The following TRPM3 variants were observed in gnomAD, a reference collection of about 807,000 sequenced individuals.
The protein encoded by TRPM3 is transient receptor potential cation channel subfamily M member 3.
A neutral mutation model predicts 181.2 loss-of-function variants in TRPM3; 77 were observed. The ratio of observed to expected loss-of-function variants is 0.42; its 90% CI spans 0.35 to 0.51. The LOEUF is 0.51. TRPM3 is among the 20% of genes least tolerant of loss of function. TRPM3 has a pLI of 0.01. For synonymous variants in TRPM3, 745 were observed against 796.4 expected (o/e 0.94, Z 1.09); for missense variants, 1,759 against 2,196.7 (o/e 0.80, Z 3.98).
Position 71,428,743 on chromosome 9 carries a change from A to C in TRPM3, c.183+17910T>G, listed in dbSNP as rs370699318. ...ATGAAAAACATATAACACACAGACA[A>C]ATTTTTAAAATATCAAGAGCAACAA... On this transcript the variant is annotated intron_variant, in intron 1 of 24. Transcript: ENST00000357533. Among the ~76,000 whole-genome samples the C allele has an allele frequency of 4.6e-5, 7 of 152,174 alleles. No homozygotes were observed. In the South Asian group the frequency reaches 1.4e-3, roughly 31 times the overall value.
chr9:71,088,532 T>C (rs73647943), intron 1 of TRPM3, among the ~76,000 whole-genome samples: 1,577 of 152,208 alleles, frequency 0.01, 30 homozygotes, highest in African/African-American at 0.036. Context: ...TATTTCCAAA[T>C]ATACATATGC....
At chr9:71,402,887 T>C (rs967150262) in intron 1 of TRPM3, among the ~76,000 whole-genome samples, 2 of 152,122 alleles carry the variant, frequency 1.3e-5, no homozygotes, top group African/African-American at 2.4e-5. Context: ...GTGCACAGCA[T>C]CCTGTTAATG....
At chr9:71,119,096 T>A (rs1158072165) in intron 1 of TRPM3, among the ~76,000 whole-genome samples, 3 of 152,166 alleles carry the variant, frequency 2.0e-5, no homozygotes. Flanking sequence ...CAAAGCAGCT[T>A]TGCTTTCTTT....
intron 1 of TRPM3, among the ~76,000 whole-genome samples, chr9:71,405,341 A>G (rs2093418009): frequency 1.3e-5 from 2 of 152,228 alleles, no homozygotes; most frequent in South Asian, 4.1e-4. Context: ...AATTTAAAAA[A>G]TGGTACAAAT....
chr9:71,333,502 G>T (rs972713439), intron 1 of TRPM3, among the ~76,000 whole-genome samples: 1 of 151,964 alleles, frequency 6.6e-6, no homozygotes, highest in African/African-American at 2.4e-5. Flanking sequence ...TCTCAATTTT[G>T]CTTTGATAAG....
chr9:71,385,032 G>A (rs2092894367), intron 1 of TRPM3, among the ~76,000 whole-genome samples: 1 of 152,124 alleles, frequency 6.6e-6, no homozygotes, highest in Non-Finnish European at 1.5e-5. Context: ...CCTCAGTTGA[G>A]ACAGTCACAT....
chr9:70,891,091 A>G (rs964772136), intron 1 of TRPM3, among the ~76,000 whole-genome samples: 3 of 152,208 alleles, frequency 2.0e-5, no homozygotes, highest in African/African-American at 7.2e-5. Flanking sequence ...TAATGGGTGC[A>G]GCACACCAAC....
At chr9:71,408,438 C>A (rs950887141) in intron 1 of TRPM3, among the ~76,000 whole-genome samples, 3 of 152,008 alleles carry the variant, frequency 2.0e-5, no homozygotes, top group Admixed American at 6.5e-5. Context: ...AACCATGGCA[C>A]GAGAACTACG....
At chr9:71,256,776 C>A (rs2082701612) in intron 1 of TRPM3, among the ~76,000 whole-genome samples, 1 of 151,888 alleles carries the variant, frequency 6.6e-6, no homozygotes, top group Non-Finnish European at 1.5e-5. Flanking sequence ...GAGGCCCTTG[C>A]AAGGCATGTT....
At chr9:70,966,743 G>T (rs977740550) in intron 1 of TRPM3, among the ~76,000 whole-genome samples, 1 of 152,034 alleles carries the variant, frequency 6.6e-6, no homozygotes, top group African/African-American at 2.4e-5. Context: ...GTTTATTGGA[G>T]GGTGGGAGGA....
intron 7 of TRPM3, among the ~76,000 whole-genome samples, chr9:70,780,113 A>C (rs1324178545): frequency 1.3e-5 from 2 of 152,194 alleles, no homozygotes; most frequent in African/African-American, 4.8e-5. Flanking sequence ...TTGTCTTTTA[A>C]ATTCACATTC....
chr9:70,778,661 A>G (rs1252467734), intron 7 of TRPM3, among the ~76,000 whole-genome samples: 3 of 152,204 alleles, frequency 2.0e-5, no homozygotes, highest in African/African-American at 7.2e-5. Flanking sequence ...ACATGAAGCC[A>G]GCATGCTTGA....
At chr9:70,810,320 C>T (rs777311716) in intron 6 of TRPM3, among the ~76,000 whole-genome samples, 8 of 149,010 alleles carry the variant, frequency 5.4e-5, no homozygotes, top group Non-Finnish European at 1.0e-4. Flanking sequence ...CTGCTTGCCT[C>T]CAACCCCACC....
intron 1 of TRPM3, among the ~76,000 whole-genome samples, chr9:70,953,026 G>T (rs923510154): frequency 1.3e-5 from 2 of 152,160 alleles, no homozygotes; most frequent in Admixed American, 6.5e-5. Flanking sequence ...TACCTTTCTG[G>T]TTAAAATGCT....
chr9:70,599,896 T>A (rs563713210), intron 20 of TRPM3, among the ~76,000 whole-genome samples: 2 of 152,372 alleles, frequency 1.3e-5, no homozygotes, highest in African/African-American at 4.8e-5. Context: ...TTTATTCATC[T>A]GTCCATCCAT....
intron 7 of TRPM3, among the ~76,000 whole-genome samples, chr9:70,764,448 C>A (rs1002326274): frequency 4.6e-5 from 7 of 152,168 alleles, no homozygotes; most frequent in Non-Finnish European, 8.8e-5. Context: ...ATCCCAGCTC[C>A]CCAAGGTCAT....
Position 70,679,422 on chromosome 9 carries a change from G to T in TRPM3, c.1345+2084C>A, listed in dbSNP as rs866934285. ...AACTTAAATTCTCACAAATTCATGAGAGAGGAAGAAAGTATTTTCAGTAGA... is the reference window on the plus strand; with the variant it reads ...AACTTAAATTCTCACAAATTCATGATAGAGGAAGAAAGTATTTTCAGTAGA... On this transcript the variant is annotated intron_variant, in intron 9 of 25. Transcript: ENST00000677713. Among the ~76,000 whole-genome samples the T allele has an allele frequency of 2.6e-5, 4 of 152,310 alleles. No individual in the cohort carries two copies. In the South Asian group the frequency reaches 6.2e-4, roughly 24 times the overall value.
At chr9:71,083,850 G>GTA (rs1565157713) in intron 1 of TRPM3, among the ~76,000 whole-genome samples, 1 of 151,384 alleles carries the variant, frequency 6.6e-6, no homozygotes, top group Non-Finnish European at 1.5e-5. Flanking sequence ...TATGCAGTGT[G>GTA]TATATATATC....
intron 6 of TRPM3, chr9:70,827,576 A>C (rs1415311776): frequency 7.3e-6 from 2 of 273,884 alleles, no homozygotes; most frequent in Non-Finnish European, 1.4e-5. Context: ...CTGAAGAGAA[A>C]GCTTATCTGC....
Sources: allele counts gnomAD v4.1 joint callset (sites outside exome capture counted in the v4.1 genomes callset), GRCh38; gene constraint gnomAD v4.1.1; transcripts MANE v1.5; gene names NCBI Gene and HGNC (gene_info 2026-07-23, HGNC 2026-07-21).